The following TRAPPC10 variants were observed in gnomAD, a reference collection of about 807,000 sequenced individuals.
The protein encoded by TRAPPC10 is TRAPP 130 kDa subunit.
TRAPPC10 carries 23 observed loss-of-function variants against 125.5 expected under a neutral mutation model. That is an observed-to-expected ratio of 0.18 (90% CI 0.13 to 0.26). The LOEUF (loss-of-function observed/expected upper bound fraction) is 0.26. Among genes scored for constraint, TRAPPC10 ranks in the 10% least tolerant of loss-of-function variants. TRAPPC10 has a pLI of 1.00. For synonymous variants in TRAPPC10, 509 were observed against 518.0 expected (o/e 0.98, Z 0.24); for missense variants, 1,123 against 1,308.4 (o/e 0.86, Z 2.19).
intron 5 of TRAPPC10, among the ~76,000 whole-genome samples, chr21:44,058,123 C>T (rs1167236702): frequency 2.0e-5 from 3 of 152,070 alleles, no homozygotes; most frequent in Non-Finnish European, 4.4e-5. Flanking sequence ...AAGGAAGTGA[C>T]GCATATGCTA....
At chr21:44,014,004 C>T (rs2031506359) in intron 1 of TRAPPC10, among the ~76,000 whole-genome samples, 1 of 152,230 alleles carries the variant, frequency 6.6e-6, no homozygotes, top group Non-Finnish European at 1.5e-5. Flanking sequence ...GTTTTACTGT[C>T]TTCCAGAGGT....
At chr21:44,012,648 C>A in intron 1 of TRAPPC10, 88 bp downstream of exon 1, 7 of 1,212,586 alleles carry the variant, frequency 5.8e-6, no homozygotes, top group African/African-American at 3.2e-5. Context: ...AGACCTTCAG[C>A]CCCCGGCGCG....
chr21:44,050,834 G>T (rs953963542), intron 3 of TRAPPC10, among the ~76,000 whole-genome samples: 1 of 152,226 alleles, frequency 6.6e-6, no homozygotes, highest in Non-Finnish European at 1.5e-5. Context: ...ATACAAATGA[G>T]AAGTACTGCC....
At chr21:44,090,923 T>C (rs991486184) in intron 18 of TRAPPC10, among the ~76,000 whole-genome samples, 7 of 152,242 alleles carry the variant, frequency 4.6e-5, no homozygotes, top group Non-Finnish European at 1.0e-4. Flanking sequence ...CCGGGCGTGG[T>C]GGCTCATGCC....
At chr21:44,077,816 A>G (rs779330527) in intron 11 of TRAPPC10, 32 bp downstream of exon 11, 32 of 1,495,394 alleles carry the variant, frequency 2.1e-5, no homozygotes, top group Admixed American at 3.4e-5. Flanking sequence ...TTTGAATTCT[A>G]AACATACAAA....
intron 7 of TRAPPC10, among the ~76,000 whole-genome samples, chr21:44,070,501 A>G (rs1180863349): frequency 6.6e-6 from 1 of 152,214 alleles, no homozygotes; most frequent in African/African-American, 2.4e-5. Context: ...CTCTCAGGGC[A>G]GAGCGGAGGC....
Position 44,087,285 on chromosome 21 carries a change from A to G in TRAPPC10, c.2539+325A>G, listed in dbSNP as rs2038205297. On this transcript the variant is annotated intron_variant, in intron 16 of 22. Coordinates refer to ENST00000291574, the MANE Select transcript of TRAPPC10 (RefSeq NM_003274.5). This position sits in a 1 kb window ranked among gnomAD's most constrained non-coding sequence, Gnocchi z 4.6. ...TGGGCTGGCCCTGCTCCCGAGAAGC[A>G]AAAGCAGAGCAGCCCTTGCAGGTGC... is the stretch of plus-strand genomic sequence containing the variant. Among the ~76,000 whole-genome samples, 1 of 152,136 alleles carries G rather than the reference A, an allele frequency of 6.6e-6. No individual in the cohort carries two copies. Among genetic ancestry groups the G allele is most frequent in the African/African-American group, 2.4e-5 (1 of 41,420 alleles).
At chr21:44,073,993 T>A (rs541458265) in intron 7 of TRAPPC10, among the ~76,000 whole-genome samples, 35 of 150,182 alleles carry the variant, frequency 2.3e-4, no homozygotes, top group African/African-American at 8.1e-4. Flanking sequence ...TAAAAAAAAA[T>A]TCTTTTTCTA....
chr21:44,089,793 C>A, intron 17 of TRAPPC10, 40 bp from the exon 18 acceptor site: 1 of 1,528,088 alleles, frequency 6.5e-7, no homozygotes. Context: ...TGCTGTCCGT[C>A]GGCGAGTGGT....
rs961089630 is a variant in TRAPPC10, at chr21:44,050,541, AGGCTCTG to A, written c.286-1735_286-1729del. On this transcript the variant is annotated intron_variant, in intron 3 of 22. Transcript: ENST00000291574. ...CTATGTGTATTTTCTTGGCAGTCACAGGCTCTGGGCCCTGTTGGCCTTTTGGTTTTGC... is the reference window on the plus strand; with the variant it reads ...CTATGTGTATTTTCTTGGCAGTCACAGGCCCTGTTGGCCTTTTGGTTTTGC... 2.0e-4 allele frequency among the ~76,000 whole-genome samples: 30 copies of A among 152,268 alleles called. 1 individual carries two copies. Among genetic ancestry groups the A allele is most frequent in the Admixed American group, 2.0e-3 (30 of 15,304 alleles).
chr21:44,041,870 C>T (rs1021618239), intron 3 of TRAPPC10, among the ~76,000 whole-genome samples: 26 of 151,958 alleles, frequency 1.7e-4, no homozygotes, highest in African/African-American at 6.3e-4. Flanking sequence ...GGGTTACAGG[C>T]GCCTGCCACC....
chr21:44,064,486 G>A lies in TRAPPC10; in HGVS notation c.1038+701G>A, dbSNP rs532934641. Among the ~76,000 whole-genome samples the A allele has an allele frequency of 2.0e-5, 3 of 152,148 alleles. No individual in the cohort carries two copies. In the East Asian group the frequency reaches 5.8e-4, roughly 29 times the overall value. On this transcript the variant is annotated intron_variant, in intron 7 of 22. Transcript: ENST00000291574. The stretch of plus-strand genomic sequence containing the variant: ...TCTAGTCTGGTGATTCTTGTTTCAG[G>A]GTCCTCTTTACCCAAAACAATTCAC...
intron 13 of TRAPPC10, among the ~76,000 whole-genome samples, chr21:44,081,540 G>A (rs765065456): frequency 1.3e-5 from 2 of 152,104 alleles, no homozygotes; most frequent in Non-Finnish European, 1.5e-5. Context: ...GATTACAGGC[G>A]TGAGCCACCA....
At chr21:44,058,236 T>C (rs946252576) in intron 5 of TRAPPC10, among the ~76,000 whole-genome samples, 1 of 151,980 alleles carries the variant, frequency 6.6e-6, no homozygotes. Context: ...CTGAAGGAGT[T>C]TGGAGAGCAA....
At chr21:44,086,991 G>T (rs753232813) in intron 16 of TRAPPC10, 31 bp downstream of exon 16, 11 of 1,611,048 alleles carry the variant, frequency 6.8e-6, no homozygotes, top group Non-Finnish European at 3.4e-6. Flanking sequence ...GCCCAAGGAG[G>T]ATGCCCACCT....
At chr21:44,025,052 C>T (rs1283124261) in intron 1 of TRAPPC10, among the ~76,000 whole-genome samples, 2 of 152,232 alleles carry the variant, frequency 1.3e-5, no homozygotes, top group East Asian at 3.8e-4. Context: ...TGCCAGTCCC[C>T]TCCTGGTGGA....
intron 7 of TRAPPC10, among the ~76,000 whole-genome samples, chr21:44,065,029 A>G (rs1412097749): frequency 2.6e-5 from 4 of 152,090 alleles, no homozygotes; most frequent in Non-Finnish European, 2.9e-5. Context: ...TCACTCCTAG[A>G]GCCGGGCTCT....
chr21:44,078,616 T>C (rs929248343), intron 11 of TRAPPC10, among the ~76,000 whole-genome samples: 2 of 152,226 alleles, frequency 1.3e-5, no homozygotes, highest in African/African-American at 4.8e-5. Context: ...GGAGCAGCTT[T>C]GCCGATTACC....
rs2038605551 is a variant in TRAPPC10 at position 44,091,889 on chromosome 21, T to C, written c.2871-34T>C. On this transcript the variant is annotated intron_variant, in intron 18 of 22. Coordinates refer to ENST00000291574, the MANE Select transcript of TRAPPC10 (RefSeq NM_003274.5). The stretch of plus-strand genomic sequence containing the variant: ...AGATATATTTAATAAAGTTCTTACA[T>C]ATCAAAATAATACTTTTTGTTTTTC... 1.9e-6 allele frequency: 3 copies of C among 1,603,238 alleles called. No homozygotes were observed. The East Asian group carries it at 6.7e-5, about 36-fold the overall frequency.
Sources: allele counts gnomAD v4.1 joint callset (sites outside exome capture counted in the v4.1 genomes callset), GRCh38; gene constraint gnomAD v4.1.1; non-coding constraint Gnocchi (gnomAD v3.1); transcripts MANE v1.5; gene names NCBI Gene and HGNC (gene_info 2026-07-23, HGNC 2026-07-21).